Variants in ATP9B observed in about 807,000 individuals in gnomAD.
ATP9B encodes the protein ATPase phospholipid transporting 9B, also known as probable phospholipid-transporting ATPase IIB.
In ATP9B, 110 loss-of-function variants were observed where a neutral mutation model predicts 146.1. The observed-to-expected ratio is 0.75, with a 90% confidence interval of 0.65 to 0.88. The LOEUF is 0.88. Among genes scored for constraint, ATP9B ranks in the 40% least tolerant of loss-of-function variants. The pLI is 0.00. For synonymous variants in ATP9B, 604 were observed against 569.7 expected (o/e 1.06, Z -0.86); for missense variants, 1,499 against 1,496.4 (o/e 1.00, Z -0.03).
At chr18:79,338,067 G>A (rs547674881) in intron 19 of ATP9B, among the ~76,000 whole-genome samples, 5 of 152,358 alleles carry the variant, frequency 3.3e-5, no homozygotes, top group African/African-American at 1.2e-4. Context: ...CGGTTAAATT[G>A]TGCCACATTT....
intron 5 of ATP9B, among the ~76,000 whole-genome samples, chr18:79,138,702 A>G (rs2147346312): frequency 6.6e-6 from 1 of 151,844 alleles, no homozygotes; most frequent in East Asian, 1.9e-4. Flanking sequence ...ACTTTAATGG[A>G]TGGATATTAA....
chr18:79,189,324 G>T (rs938215485), intron 8 of ATP9B, among the ~76,000 whole-genome samples: 1 of 151,596 alleles, frequency 6.6e-6, no homozygotes, highest in African/African-American at 2.4e-5. Flanking sequence ...TCCAGCCTGG[G>T]CGACAGAGCG....
intron 25 of ATP9B, among the ~76,000 whole-genome samples, chr18:79,350,261 A>C (rs1488903554): frequency 6.6e-6 from 1 of 152,226 alleles, no homozygotes; most frequent in Non-Finnish European, 1.5e-5. Context: ...AAAGTAGGTA[A>C]GAGCCTAGGG....
At chr18:79,331,983 C>T (rs1471121822) in intron 17 of ATP9B, among the ~76,000 whole-genome samples, 1 of 152,240 alleles carries the variant, frequency 6.6e-6, no homozygotes, top group Non-Finnish European at 1.5e-5. Context: ...CAGCCTATCA[C>T]TTCTGACTCC....
intron 2 of ATP9B, among the ~76,000 whole-genome samples, chr18:79,101,002 CA>C (rs774895510): frequency 2.6e-5 from 4 of 152,094 alleles, no homozygotes; most frequent in Non-Finnish European, 5.9e-5. Flanking sequence ...GGTGGGGACA[CA>C]GCCAAACCAT....
intron 11 of ATP9B, among the ~76,000 whole-genome samples, chr18:79,217,351 A>C (rs1477719392): frequency 6.6e-6 from 1 of 151,866 alleles, no homozygotes; most frequent in Non-Finnish European, 1.5e-5. Flanking sequence ...CGCCTGGCTA[A>C]TTTTTTGTAT....
At chr18:79,106,392 A>AG (rs2075651754) in intron 2 of ATP9B, among the ~76,000 whole-genome samples, 2 of 152,124 alleles carry the variant, frequency 1.3e-5, no homozygotes, top group African/African-American at 4.8e-5. Context: ...AGGCTTAAAC[A>AG]TACTGTTTTC....
chr18:79,349,213 C>T (rs1378476043), intron 25 of ATP9B, among the ~76,000 whole-genome samples: 2 of 152,228 alleles, frequency 1.3e-5, no homozygotes, highest in African/African-American at 4.8e-5. Flanking sequence ...AGCAGCCTCT[C>T]ATCTGCCACT....
chr18:79,084,964 A>T (rs1021197020), intron 1 of ATP9B, among the ~76,000 whole-genome samples: 1 of 151,850 alleles, frequency 6.6e-6, no homozygotes, highest in African/African-American at 2.4e-5. Flanking sequence ...CCATTCTTGC[A>T]TTACTATAAA....
At chr18:79,359,693 A>G (rs1364770957) in intron 26 of ATP9B, 2 of 513,988 alleles carry the variant, frequency 3.9e-6, no homozygotes, top group South Asian at 2.1e-5. Flanking sequence ...AATGTTTGCA[A>G]TAAAGCTCTA....
At chr18:79,313,558 T>G (rs2096663978) in intron 15 of ATP9B, among the ~76,000 whole-genome samples, 1 of 152,364 alleles carries the variant, frequency 6.6e-6, no homozygotes, top group South Asian at 2.1e-4. Context: ...ATTTGAAGTT[T>G]TAAAAATACT....
At chr18:79,359,485 C>T in intron 26 of ATP9B, 23 bp downstream of exon 26, 1 of 1,563,798 alleles carries the variant, frequency 6.4e-7, no homozygotes, top group Non-Finnish European at 8.8e-7. Context: ...GGCAAGCTGT[C>T]TGCCTCACGA....
intron 11 of ATP9B, among the ~76,000 whole-genome samples, chr18:79,214,348 A>T (rs2095608932): frequency 6.6e-6 from 1 of 152,154 alleles, no homozygotes. Context: ...CAGTCTACTT[A>T]TTTTACAATT....
At chr18:79,302,555 CAAAT>C (rs1359513248) in intron 13 of ATP9B, among the ~76,000 whole-genome samples, 2 of 152,144 alleles carry the variant, frequency 1.3e-5, no homozygotes, top group Non-Finnish European at 2.9e-5. Flanking sequence ...TCTATAAAGC[CAAAT>C]AAATAAAACA....
intron 6 of ATP9B, among the ~76,000 whole-genome samples, chr18:79,151,411 A>C (rs1474107363): frequency 6.6e-6 from 1 of 152,140 alleles, no homozygotes; most frequent in African/African-American, 2.4e-5. Context: ...TTTGGGTGTT[A>C]TATAGTGTGG....
chr18:79,359,231 T>G, intron 25 of ATP9B, 123 bp from the exon 26 acceptor site: 1 of 654,562 alleles, frequency 1.5e-6, no homozygotes. Context: ...CCAACTTACT[T>G]TGTTGGTTTT....
chr18:79,286,079 T>A lies in ATP9B; in HGVS notation c.1411+8883T>A, dbSNP rs558422689. ...TGCCTCCAGCTTTGTTCTTTTGGCT[T>A]AGGATTGACTTGGCGATGCGGGCTC... On this transcript the variant is annotated intron_variant, in intron 13 of 29. Coordinates refer to ENST00000426216, the MANE Select transcript of ATP9B (RefSeq NM_198531.5). Among the ~76,000 whole-genome samples, 15 of 151,794 alleles carry A rather than the reference T, an allele frequency of 9.9e-5. 1 individual carries two copies. Among genetic ancestry groups the A allele is most frequent in the African/African-American group, 3.6e-4 (15 of 41,342 alleles).
intron 3 of ATP9B, among the ~76,000 whole-genome samples, chr18:79,112,597 A>G (rs1015106830): frequency 2.0e-5 from 3 of 152,268 alleles, no homozygotes; most frequent in Non-Finnish European, 4.4e-5. Context: ...CTGGTCTGCA[A>G]TTACAACTTC....
chr18:79,377,516 G>C lies in ATP9B; in HGVS notation c.*133G>C. 8.3e-7 allele frequency: 1 copy of C among 1,211,100 alleles called. No individual in the cohort carries two copies. Among genetic ancestry groups the C allele is most frequent in the Non-Finnish European group, 1.1e-6 (1 of 876,994 alleles). The allele number at this position is 1,211,100 out of a possible 1,614,324, so 75.0% of individuals were successfully genotyped here. On this transcript the variant is annotated 3_prime_UTR_variant, in exon 30 of 30. Coordinates refer to ENST00000426216, the MANE Select transcript of ATP9B (RefSeq NM_198531.5). ...ACAAGAAAGGGAGGGTACGCCAGGC[G>C]AGCCCAGGGCACAGATGCTGAGACA...
Sources: allele counts gnomAD v4.1 joint callset (sites outside exome capture counted in the v4.1 genomes callset), GRCh38; gene constraint gnomAD v4.1.1; transcripts MANE v1.5; gene names NCBI Gene and HGNC (gene_info 2026-07-23, HGNC 2026-07-21).